Variants in INO80 observed in about 807,000 individuals in gnomAD.
INO80 encodes chromatin-remodeling ATPase INO80.
Under a neutral mutation model 203.4 loss-of-function variants are expected in INO80, and 20 were observed. The ratio of observed to expected loss-of-function variants is 0.10; its 90% CI spans 0.07 to 0.14. The LOEUF (loss-of-function observed/expected upper bound fraction) is 0.14. INO80 is among the 10% of genes least tolerant of loss of function. The pLI is 1.00. For synonymous variants in INO80, 726 were observed against 685.2 expected, an observed-to-expected ratio of 1.06 and a Z score of -0.93; for missense variants, 1,419 against 1,914.4, an observed-to-expected ratio of 0.74 and a Z score of 4.83.
intron 16 of INO80, among the ~76,000 whole-genome samples, chr15:41,057,922 A>T (rs1272751923): frequency 1.4e-5 from 2 of 147,926 alleles, no homozygotes; most frequent in Non-Finnish European, 3.1e-5. Context: ...CCATGAGTTA[A>T]TAAAAAAAAT....
In INO80 at chr15:41,116,265, G is replaced by A. The variant is rs1031184407; in HGVS notation, c.-336C>T. Reference sequence around the variant, plus strand: ...GGGACACGGGGAGCCATGGCGGGGGGGAGGAGAGGCGCCATAGCCAGGCCA... The same window carrying A: ...GGGACACGGGGAGCCATGGCGGGGGAGAGGAGAGGCGCCATAGCCAGGCCA... On this transcript the variant is annotated 5_prime_UTR_variant, in exon 1 of 36. Transcript: ENST00000648947. 2.5e-6 allele frequency: 1 copy of A among 399,832 alleles called. No individual in the cohort carries two copies. Among genetic ancestry groups the A allele is most frequent in the Non-Finnish European group, 4.4e-6 (1 of 227,268 alleles). The allele number at this position is 399,832 out of a possible 1,614,324, so 24.8% of individuals were successfully genotyped here.
At chr15:41,039,564 C>T (rs2044637065) in intron 24 of INO80, among the ~76,000 whole-genome samples, 1 of 152,146 alleles carries the variant, frequency 6.6e-6, no homozygotes. Flanking sequence ...TATGTTTCTC[C>T]TTGCTGGACT....
intron 9 of INO80, among the ~76,000 whole-genome samples, chr15:41,075,826 A>T (rs1377548608): frequency 1.3e-5 from 2 of 151,710 alleles, no homozygotes; most frequent in African/African-American, 4.8e-5. Flanking sequence ...TCCTGACCTC[A>T]TGTGATCGGC....
intron 21 of INO80, among the ~76,000 whole-genome samples, chr15:41,048,765 T>C (rs1036153908): frequency 3.5e-4 from 53 of 152,194 alleles, no homozygotes; most frequent in African/African-American, 1.3e-3. Context: ...TGGGAACTTG[T>C]TTAAAAATTC....
chr15:40,984,643 AAAAG>A (rs1050609903), intron 32 of INO80, among the ~76,000 whole-genome samples: 4 of 152,046 alleles, frequency 2.6e-5, no homozygotes, highest in Non-Finnish European at 5.9e-5. Flanking sequence ...AAAAAAAAAA[AAAAG>A]AGCTTATGAA....
chr15:41,048,408 T>C (rs368783261), intron 21 of INO80, 132 bp from the exon 22 acceptor site: 3 of 652,258 alleles, frequency 4.6e-6, no homozygotes, highest in South Asian at 3.9e-5. Flanking sequence ...TTTCTTGCCA[T>C]ATTACCAGGC....
At chr15:40,992,893 A>C (rs1477947846) in intron 29 of INO80, among the ~76,000 whole-genome samples, 1 of 152,186 alleles carries the variant, frequency 6.6e-6, no homozygotes, top group Non-Finnish European at 1.5e-5. Context: ...TCTGGGCCCA[A>C]GCAAACCTCC....
At chr15:41,091,888 A>G (rs1015112387) in intron 5 of INO80, 139 bp downstream of exon 5, 9 of 580,174 alleles carry the variant, frequency 1.6e-5, no homozygotes, top group African/African-American at 7.3e-5. Context: ...TCTTGACCTC[A>G]TGATCCGCCC....
At chr15:41,001,911 G>T (rs1472291470) in intron 28 of INO80, among the ~76,000 whole-genome samples, 2 of 152,138 alleles carry the variant, frequency 1.3e-5, no homozygotes, top group Non-Finnish European at 1.5e-5. Flanking sequence ...GAGTGCTTGT[G>T]TCCAAAAACA....
rs966697407 is a variant in INO80, at chr15:41,027,889, G to C, written c.2908-153C>G. ...ATAAACAACCACTAATTAGAACCAA[G>C]TATATAATACAGTTGAAGCCCATGT... On this transcript the variant is annotated intron_variant, in intron 24 of 35. Transcript: ENST00000648947. The C allele has an allele frequency of 5.6e-6, 3 of 540,090 alleles. No individual in the cohort carries two copies. The South Asian group carries it at 8.8e-5, about 16-fold the overall frequency. 33.5% of individuals were successfully genotyped at this position (540,090 alleles called of 1,614,324 possible). A position where few individuals can be genotyped will look rare whatever the true frequency, so the allele number is the denominator to read the frequency against.
At chr15:41,010,027 A>G (rs150961512) in intron 27 of INO80, among the ~76,000 whole-genome samples, 5 of 152,352 alleles carry the variant, frequency 3.3e-5, no homozygotes, top group South Asian at 4.1e-4. Flanking sequence ...TCTCCGCTTA[A>G]TATCTACTGG....
In INO80 at chr15:41,027,664, C is replaced by T. The variant is rs753451348; in HGVS notation, c.2980G>A (p.Ala994Thr). 2 of 1,613,902 alleles carry T rather than the reference C, an allele frequency of 1.2e-6. No homozygotes were observed. Among genetic ancestry groups the T allele is most frequent in the East Asian group, 2.2e-5 (1 of 44,880 alleles). Reference sequence around the variant, plus strand: ...AGGCAGCGACGCAGCGAGGAGGTAGCTGATCTCCGCTGATGGACAACCTGG... The same window carrying T: ...AGGCAGCGACGCAGCGAGGAGGTAGTTGATCTCCGCTGATGGACAACCTGG... ...SDQVVHQRRSATSSLRRCLLT... is the reference protein window; with the variant it reads ...SDQVVHQRRSTTSSLRRCLLT... Residue 994 changes from alanine to threonine, a missense_variant, in exon 25 of 36, where the codon GCT (alanine) becomes ACT (threonine). Ala to Thr is a moderately conservative substitution (Grantham distance 58). This residue lies in a region of INO80 where 302 missense variants were observed against 345.4 expected (regional missense o/e 0.87). Coordinates refer to ENST00000648947, the MANE Select transcript of INO80 (RefSeq NM_017553.3).
chr15:41,102,805 GC>G (rs2045829055), intron 1 of INO80, among the ~76,000 whole-genome samples: 1 of 152,160 alleles, frequency 6.6e-6, no homozygotes, highest in Admixed American at 6.6e-5. Context: ...AGTGACTCTT[GC>G]TTTTGGATAC....
intron 28 of INO80, among the ~76,000 whole-genome samples, chr15:41,000,278 G>A (rs928963295): frequency 9.2e-5 from 14 of 152,126 alleles, no homozygotes; most frequent in African/African-American, 2.9e-4. Context: ...TTCTTGAGGA[G>A]ACCCAAAATA....
At chr15:40,993,150 A>G (rs1391247652) in intron 29 of INO80, among the ~76,000 whole-genome samples, 2 of 152,048 alleles carry the variant, frequency 1.3e-5, no homozygotes, top group African/African-American at 4.8e-5. Context: ...TTATTCCTCT[A>G]CTTATGGATC....
intron 9 of INO80, 31 bp downstream of exon 9, chr15:41,079,670 G>C (rs1459283670): frequency 1.1e-5 from 18 of 1,594,258 alleles, no homozygotes; most frequent in Non-Finnish European, 8.6e-7. Context: ...GTAGTAATTA[G>C]GGTTTTCAAA....
intron 1 of INO80, among the ~76,000 whole-genome samples, chr15:41,111,537 G>A (rs2045958654): frequency 6.6e-6 from 1 of 152,126 alleles, no homozygotes; most frequent in African/African-American, 2.4e-5. Flanking sequence ...CCACACAGTG[G>A]CTCACACCTG....
intron 1 of INO80, among the ~76,000 whole-genome samples, chr15:41,105,448 C>G (rs981852648): frequency 1.7e-4 from 26 of 152,106 alleles, no homozygotes; most frequent in African/African-American, 6.3e-4. Context: ...GATGCAGATA[C>G]TATTACAACC....
intron 6 of INO80, among the ~76,000 whole-genome samples, chr15:41,087,113 G>A (rs1473363880): frequency 2.0e-5 from 3 of 150,786 alleles, no homozygotes; most frequent in Non-Finnish European, 4.4e-5. Flanking sequence ...AGATTCAACC[G>A]AGGATCAAAA....
Sources: allele counts gnomAD v4.1 joint callset (sites outside exome capture counted in the v4.1 genomes callset), GRCh38; gene constraint gnomAD v4.1.1; regional missense constraint gnomAD v4.1.1; transcripts MANE v1.5; gene names NCBI Gene and HGNC (gene_info 2026-07-23, HGNC 2026-07-21).